Variants in RFX2 observed in about 807,000 individuals in gnomAD.
The protein encoded by RFX2 is regulatory factor X2, also known as DNA-binding protein RFX2.
Under a neutral mutation model 87.8 loss-of-function variants are expected in RFX2, and 20 were observed. The observed-to-expected ratio is 0.23, with a 90% confidence interval of 0.16 to 0.33. RFX2 has a LOEUF of 0.33. RFX2 is among the 10% of genes least tolerant of loss of function. The pLI, the probability that RFX2 is intolerant of heterozygous loss-of-function variation, is 1.00. For synonymous variants in RFX2, 397 were observed against 431.3 expected (o/e 0.92, Z 0.98); for missense variants, 767 against 1,012.3 (o/e 0.76, Z 3.29).
intron 15 of RFX2, among the ~76,000 whole-genome samples, chr19:6,000,875 A>G (rs1278080266): frequency 6.6e-6 from 1 of 152,268 alleles, no homozygotes; most frequent in Non-Finnish European, 1.5e-5. Context: ...GGGGCCTGTC[A>G]GCCACAGAAC....
intron 1 of RFX2, among the ~76,000 whole-genome samples, chr19:6,088,876 T>C (rs981468429): frequency 1.3e-5 from 2 of 152,158 alleles, no homozygotes; most frequent in African/African-American, 4.8e-5. Flanking sequence ...ACCCCATCCA[T>C]TGTAGGGTGA....
At chr19:6,019,398 G>C (rs2086775287) in intron 6 of RFX2, among the ~76,000 whole-genome samples, 1 of 151,990 alleles carries the variant, frequency 6.6e-6, no homozygotes, top group Middle Eastern at 3.4e-3. Context: ...TCCAAAGTCC[G>C]GCTCTGGCAG....
At position 5,997,625 on chromosome 19, in the gene RFX2, G is replaced by A. The variant is rs1214626923; in HGVS notation, c.1860-412C>T. ...GGTGCCTGTCTCCCCAGCAGGAGGC[G>A]CCTTTCCCCACCTTCCCCGTATCCT... On this transcript the variant is annotated intron_variant, in intron 15 of 17. Transcript: ENST00000303657. This position sits in a 1 kb window ranked among gnomAD's most constrained non-coding sequence, Gnocchi z 4.2. Among the ~76,000 whole-genome samples the A allele has an allele frequency of 6.6e-6, 1 of 152,156 alleles. No homozygotes were observed. The highest frequency in any genetic ancestry group is 1.5e-5 in the Non-Finnish European group (1 of 68,032).
Position 6,040,322 on chromosome 19 carries a change from A to G in RFX2, c.261-81T>C, listed in dbSNP as rs963947166. 6 of 1,427,936 alleles carry G rather than the reference A, an allele frequency of 4.2e-6. No individual in the cohort carries two copies. In the African/African-American group the frequency reaches 8.6e-5, roughly 20 times the overall value. 88.5% of individuals were successfully genotyped at this position (1,427,936 alleles called of 1,614,324 possible). ...TGAGTTCACAGATATCCAGCCAAAC[A>G]TCACGTAAAAGCTGCAACCCAGAGA... On this transcript the variant is annotated intron_variant, in intron 4 of 17. Coordinates refer to ENST00000303657, the MANE Select transcript of RFX2 (RefSeq NM_000635.4). The surrounding 1 kb of genome is among the most constrained non-coding windows in gnomAD (Gnocchi z 6.1).
chr19:6,020,501 G>A lies in RFX2; in HGVS notation c.598-4230C>T, dbSNP rs2086797357. ...GGTTAGAACCGAAGTATGGCTTGCA[G>A]ACTCTGTTCAGGGTCTACGCCTCAC... On this transcript the variant is annotated intron_variant, in intron 6 of 17. Coordinates refer to ENST00000303657, the MANE Select transcript of RFX2 (RefSeq NM_000635.4). This position sits in a 1 kb window ranked among gnomAD's most constrained non-coding sequence, Gnocchi z 5.3. 6.6e-6 allele frequency: 1 copy of A among 152,226 alleles called. No homozygotes were observed. Among genetic ancestry groups the A allele is most frequent in the Non-Finnish European group, 1.5e-5 (1 of 68,064 alleles). 9.4% of individuals were successfully genotyped at this position (152,226 alleles called of 1,614,324 possible). A position where few individuals can be genotyped will look rare whatever the true frequency, so the allele number is the denominator to read the frequency against.
chr19:6,008,138 C>A lies in RFX2; in HGVS notation c.1102G>T (p.Ala368Ser), dbSNP rs1250995197. Residue 368 changes from alanine (A) to serine (S), a missense_variant, in exon 10 of 18, where the codon GCC (alanine) becomes TCC (serine). By Grantham distance (99) the Ala-to-Ser change is moderately conservative (BLOSUM62 1). Transcript: ENST00000303657. ...QDGVTLHDVK[A>S]LQLVYRRHCE... is the part of the protein sequence containing the mutation. ...TGCCGTCTGTACACCAGCTGCAGGG[C>A]CTTGACGTCGTGCAGTGTGACGCCG... is the stretch of plus-strand genomic sequence containing the variant. The A allele has an allele frequency of 6.4e-7, 1 of 1,553,614 alleles. No homozygotes were observed. Among genetic ancestry groups the A allele is most frequent in the South Asian group, 1.2e-5 (1 of 84,210 alleles).
rs1454942886 is a variant in RFX2, at chr19:6,027,866, T to G, written c.523-1629A>C. On this transcript the variant is annotated intron_variant, in intron 5 of 17. Coordinates refer to ENST00000303657, the MANE Select transcript of RFX2 (RefSeq NM_000635.4). The surrounding 1 kb of genome is among the most constrained non-coding windows in gnomAD (Gnocchi z 5.0). ...ACCTCTGCCTCCTAGGCTCAAGTGATTCTCATGCCTCAGCCTCCTGAGTAG... is the reference window on the plus strand; with the variant it reads ...ACCTCTGCCTCCTAGGCTCAAGTGAGTCTCATGCCTCAGCCTCCTGAGTAG... Among the ~76,000 whole-genome samples, 2 of 152,192 alleles carry G rather than the reference T, an allele frequency of 1.3e-5. No homozygotes were observed. Among genetic ancestry groups the G allele is most frequent in the African/African-American group, 4.8e-5 (2 of 41,456 alleles).
At chr19:6,069,034 T>C (rs1235953824) in intron 1 of RFX2, among the ~76,000 whole-genome samples, 1 of 152,106 alleles carries the variant, frequency 6.6e-6, no homozygotes, top group Non-Finnish European at 1.5e-5. Context: ...TCCAAGGTTT[T>C]TGGCAACTAA....
At chr19:6,058,706 G>C (rs768116182) in intron 1 of RFX2, among the ~76,000 whole-genome samples, 2 of 151,162 alleles carry the variant, frequency 1.3e-5, no homozygotes, top group African/African-American at 4.9e-5. Context: ...TTTTCTTTTC[G>C]TAAGAATTGG....
intron 1 of RFX2, among the ~76,000 whole-genome samples, chr19:6,104,888 G>C (rs1378720381): frequency 6.6e-6 from 1 of 152,106 alleles, no homozygotes; most frequent in East Asian, 1.9e-4. Flanking sequence ...GGGAGGCCGA[G>C]GTGGGCAGAT....
intron 1 of RFX2, chr19:6,057,315 G>A (rs1358029447): frequency 6.6e-6 from 1 of 152,266 alleles, no homozygotes; most frequent in Non-Finnish European, 1.5e-5. Flanking sequence ...ACAAAGGGAA[G>A]AGGCTTCTGT....
At position 6,080,202 on chromosome 19, in the gene RFX2, A is replaced by ATGTGTGTGTGTG. The variant is rs368062995; in HGVS notation, c.-9+30179_-9+30190dup. 4.6e-3 allele frequency among the ~76,000 whole-genome samples: 632 copies of ATGTGTGTGTGTG among 138,490 alleles called. 5 individuals carry two copies. The highest frequency in any genetic ancestry group is 0.014 in the South Asian group (55 of 4,046). The allele number at this position is 138,490 out of a possible 152,430, so 90.9% of individuals were successfully genotyped here. On this transcript the variant is annotated intron_variant, in intron 1 of 17. Coordinates refer to ENST00000303657, the MANE Select transcript of RFX2 (RefSeq NM_000635.4). ...GGGACCACAGGCACATGCCTGGTTA[A>ATGTGTGTGTGTG]TGTGTGTGTGTGTGTGTGTGTGTGT...
In RFX2 at chr19:6,083,548, GTT is replaced by G. The variant is rs66503447; in HGVS notation, c.-9+26843_-9+26844del. ...TGTGCTAGATGTAGTCTGCTGACCC[GTT>G]TTTTTTTTTTTTAATTTTTATTCAT... On this transcript the variant is annotated intron_variant, in intron 1 of 17. Transcript: ENST00000303657. The surrounding 1 kb of genome is among the most constrained non-coding windows in gnomAD (Gnocchi z 4.6). Among the ~76,000 whole-genome samples the G allele has an allele frequency of 3.3e-4, 48 of 143,610 alleles. No homozygotes were observed. Among genetic ancestry groups the G allele is most frequent in the Admixed American group, 1.1e-3 (16 of 14,390 alleles). 94.2% of individuals were successfully genotyped at this position (143,610 alleles called of 152,430 possible). A position where few individuals can be genotyped will look rare whatever the true frequency, so the allele number is the denominator to read the frequency against.
At chr19:6,003,291 G>A (rs1053884911) in intron 13 of RFX2, among the ~76,000 whole-genome samples, 5 of 151,998 alleles carry the variant, frequency 3.3e-5, no homozygotes, top group African/African-American at 7.2e-5. Flanking sequence ...TCTCAAACTC[G>A]TGGCATCAAA....
rs1190192656 is a variant in RFX2 at position 6,056,529 on chromosome 19, AGAGGGCAGGGCCCC to A, written c.-8-9039_-8-9026del. On this transcript the variant is annotated intron_variant, in intron 1 of 17. Coordinates refer to ENST00000303657, the MANE Select transcript of RFX2 (RefSeq NM_000635.4). The surrounding 1 kb of genome is among the most constrained non-coding windows in gnomAD (Gnocchi z 4.6). ...GAGGAGAGCGCAGCAGAGAGTGGGC[AGAGGGCAGGGCCCC>A]GAGGGCGTGGGTGTACTCAAGGTAA... 6.6e-6 allele frequency among the ~76,000 whole-genome samples: 1 copy of A among 152,200 alleles called. No homozygotes were observed. Among genetic ancestry groups the A allele is most frequent in the Non-Finnish European group, 1.5e-5 (1 of 68,026 alleles).
chr19:6,013,131 G>C lies in RFX2; in HGVS notation c.780-26C>G. On this transcript the variant is annotated intron_variant, in intron 7 of 17. Transcript: ENST00000303657. This position sits in a 1 kb window ranked among gnomAD's most constrained non-coding sequence, Gnocchi z 4.1. ...CTGGAAACCAAACATCCCAGGGTCA[G>C]CTCCCTTTGCAGATGTCCTGAACAA... 6.4e-7 allele frequency: 1 copy of C among 1,564,384 alleles called. No individual in the cohort carries two copies. The highest frequency in any genetic ancestry group is 1.2e-5 in the South Asian group (1 of 84,546).
chr19:6,000,111 A>G (rs941339708), intron 15 of RFX2, among the ~76,000 whole-genome samples: 2 of 151,924 alleles, frequency 1.3e-5, no homozygotes, highest in African/African-American at 4.8e-5. Context: ...CAGCCTCCCA[A>G]GTAGCTGGGA....
chr19:6,109,813 A>T (rs1422461333), intron 1 of RFX2, among the ~76,000 whole-genome samples: 1 of 150,594 alleles, frequency 6.6e-6, no homozygotes, highest in Non-Finnish European at 1.5e-5. Context: ...GAGGGTCCCC[A>T]AGCGCCCCCA....
Position 6,001,725 on chromosome 19 carries a change from G to T in RFX2, c.1859+90C>A, listed in dbSNP as rs1345688659. The T allele has an allele frequency of 2.1e-5, 25 of 1,163,260 alleles. No individual in the cohort carries two copies. Among genetic ancestry groups the T allele is most frequent in the Non-Finnish European group, 1.2e-5 (10 of 829,974 alleles). 72.1% of individuals were successfully genotyped at this position (1,163,260 alleles called of 1,614,324 possible). ...ACTCTGCTGAGCCCTGTTTTGCTCT[G>T]AGCTCACCAGCCGAGCCCCCTACCC... On this transcript the variant is annotated intron_variant, in intron 15 of 17. Transcript: ENST00000303657. This position sits in a 1 kb window ranked among gnomAD's most constrained non-coding sequence, Gnocchi z 5.6.
Sources: allele counts gnomAD v4.1 joint callset (sites outside exome capture counted in the v4.1 genomes callset), GRCh38; gene constraint gnomAD v4.1.1; non-coding constraint Gnocchi (gnomAD v3.1); transcripts MANE v1.5; gene names NCBI Gene and HGNC (gene_info 2026-07-23, HGNC 2026-07-21).